Variants in NRXN1 observed in about 807,000 individuals in gnomAD.
The protein encoded by NRXN1 is neurexin-1.
In NRXN1, 39 loss-of-function variants were observed where a neutral mutation model predicts 150.9. The observed-to-expected ratio is 0.26, with a 90% CI of 0.20 to 0.34. The LOEUF (loss-of-function observed/expected upper bound fraction) is 0.34. Ranked by LOEUF, NRXN1 falls within the 10% of genes least tolerant of loss-of-function variation. The probability of loss-of-function intolerance (pLI) is 1.00; values close to 1 mark genes in which losing one functional copy is unlikely to be tolerated. For synonymous variants in NRXN1, 924 were observed against 757.0 expected (o/e 1.22, Z -3.62); for missense variants, 1,815 against 1,949.9 (o/e 0.93, Z 1.30).
intron 5 of NRXN1, among the ~76,000 whole-genome samples, chr2:50,779,114 T>C (rs575570727): frequency 1.5e-4 from 23 of 152,130 alleles, no homozygotes; most frequent in Non-Finnish European, 3.2e-4. Context: ...CACAGTGGTT[T>C]GCTGCACCCA....
chr2:50,307,751 C>G (rs2074767106), intron 17 of NRXN1, among the ~76,000 whole-genome samples: 2 of 152,044 alleles, frequency 1.3e-5, no homozygotes, highest in African/African-American at 4.8e-5. Flanking sequence ...AACCATGATC[C>G]ATTGAAATGA....
intron 8 of NRXN1, among the ~76,000 whole-genome samples, chr2:50,606,892 T>C (rs1280753019): frequency 6.6e-6 from 1 of 152,168 alleles, no homozygotes; most frequent in Non-Finnish European, 1.5e-5. Flanking sequence ...ACTTGACATT[T>C]AATTGCTTCG....
chr2:50,862,183 C>T (rs568844544), intron 5 of NRXN1, among the ~76,000 whole-genome samples: 11 of 130,808 alleles, frequency 8.4e-5, no homozygotes, highest in Non-Finnish European at 1.7e-4. Context: ...GCCTAGAGGA[C>T]AAGAGCGAGA....
rs143960973 is a variant in NRXN1 at position 50,292,104 on chromosome 2, T to C, written c.3365-55134A>G. ...AAAATCAGGAGTCAGCAAACCAAGG[T>C]GCTTGGCCAAATCTGACCCACTGCC... On this transcript the variant is annotated intron_variant, in intron 17 of 22. Transcript: ENST00000401669. 5.3e-5 allele frequency among the ~76,000 whole-genome samples: 8 copies of C among 152,314 alleles called. No homozygotes were observed. The East Asian group carries it at 1.5e-3, about 29-fold the overall frequency.
chr2:50,808,108 G>A (rs924324051), intron 5 of NRXN1, among the ~76,000 whole-genome samples: 38 of 152,014 alleles, frequency 2.5e-4, no homozygotes, highest in African/African-American at 8.9e-4. Context: ...CTATGAGTGA[G>A]GCTGGTAAGG....
At chr2:50,888,313 C>G (rs1343959691) in intron 5 of NRXN1, among the ~76,000 whole-genome samples, 1 of 151,498 alleles carries the variant, frequency 6.6e-6, no homozygotes. Context: ...AAAGAAAGTC[C>G]ATGAGATTTA....
chr2:50,570,315 C>T (rs1192643320), intron 8 of NRXN1, among the ~76,000 whole-genome samples: 1 of 151,976 alleles, frequency 6.6e-6, no homozygotes, highest in East Asian at 1.9e-4. Context: ...GTATACGAGG[C>T]CTTTATGCTA....
chr2:50,372,347 G>C (rs928973371), intron 17 of NRXN1, among the ~76,000 whole-genome samples: 5 of 151,998 alleles, frequency 3.3e-5, no homozygotes, highest in Non-Finnish European at 5.9e-5. Context: ...GAAGATCAGA[G>C]CCTAATGATT....
intron 18 of NRXN1, among the ~76,000 whole-genome samples, chr2:50,153,242 T>C (rs2152775025): frequency 6.6e-6 from 1 of 151,808 alleles, no homozygotes; most frequent in African/African-American, 2.4e-5. Context: ...CATAGTTTTT[T>C]TCTTAATTTC....
chr2:50,749,092 C>T (rs931800672), intron 5 of NRXN1, among the ~76,000 whole-genome samples: 1 of 152,054 alleles, frequency 6.6e-6, no homozygotes, highest in African/African-American at 2.4e-5. Flanking sequence ...TACACATTTT[C>T]TCAAACTGAA....
At chr2:50,965,009 C>T (rs974123244) in intron 2 of NRXN1, among the ~76,000 whole-genome samples, 1 of 151,150 alleles carries the variant, frequency 6.6e-6, no homozygotes, top group African/African-American at 2.4e-5. Flanking sequence ...GAGCCAAGAA[C>T]ACATTAGGTG....
intron 9 of NRXN1, among the ~76,000 whole-genome samples, chr2:50,549,603 G>C (rs1667131283): frequency 6.6e-6 from 1 of 152,038 alleles, no homozygotes. Context: ...ACGTGTTTCT[G>C]TTCTTCCCAT....
At chr2:50,735,054 T>C (rs569334973) in intron 5 of NRXN1, among the ~76,000 whole-genome samples, 5 of 152,292 alleles carry the variant, frequency 3.3e-5, no homozygotes, top group African/African-American at 1.2e-4. Context: ...ACTTGGCTGT[T>C]AGAGTGAAAT....
At chr2:50,364,684 C>T (rs1405681322) in intron 17 of NRXN1, among the ~76,000 whole-genome samples, 3 of 151,970 alleles carry the variant, frequency 2.0e-5, no homozygotes, top group African/African-American at 7.2e-5. Context: ...CCAAGCTTTG[C>T]AGAGGGAAGA....
intron 17 of NRXN1, among the ~76,000 whole-genome samples, chr2:50,296,475 G>A (rs968012208): frequency 6.7e-6 from 1 of 149,400 alleles, no homozygotes; most frequent in Admixed American, 6.7e-5. Flanking sequence ...CCCAGTGTCT[G>A]TCACTTCCCT....
rs556735421 is a variant in NRXN1, at chr2:50,350,709, A to G, written c.3365-113739T>C. On this transcript the variant is annotated intron_variant, in intron 17 of 22. Transcript: ENST00000401669. ...TGAATAACCTTCCCAAGAGCATTCAATTAGGAAGATGCTTCCCCTCCTCCC... is the reference window on the plus strand; with the variant it reads ...TGAATAACCTTCCCAAGAGCATTCAGTTAGGAAGATGCTTCCCCTCCTCCC... 4.6e-5 allele frequency among the ~76,000 whole-genome samples: 7 copies of G among 152,318 alleles called. No homozygotes were observed. The South Asian group carries it at 6.2e-4, about 14-fold the overall frequency.
chr2:50,142,343 C>T (rs1013977956), intron 18 of NRXN1, among the ~76,000 whole-genome samples: 2 of 151,478 alleles, frequency 1.3e-5, no homozygotes, highest in African/African-American at 2.4e-5. Context: ...AGAGGTAGGA[C>T]AGGGGGTATA....
chr2:50,213,801 A>T (rs79598152), intron 18 of NRXN1, among the ~76,000 whole-genome samples: 29,179 of 151,716 alleles, frequency 0.19, 3,134 homozygotes, highest in Middle Eastern at 0.27. Context: ...TTTTTCATCA[A>T]CTTCTTGTTC....
At chr2:50,640,165 C>A (rs2011451419) in intron 5 of NRXN1, among the ~76,000 whole-genome samples, 1 of 152,108 alleles carries the variant, frequency 6.6e-6, no homozygotes, top group African/African-American at 2.4e-5. Flanking sequence ...CAGACCCCAC[C>A]TCAATGTTCT....
Sources: allele counts gnomAD v4.1 joint callset (sites outside exome capture counted in the v4.1 genomes callset), GRCh38; gene constraint gnomAD v4.1.1; transcripts MANE v1.5; gene names NCBI Gene and HGNC (gene_info 2026-07-23, HGNC 2026-07-21).